ZNF843: variants seen among roughly 807,000 people sequenced by gnomAD.
The protein encoded by ZNF843 is zinc finger protein 843.
For synonymous variants in ZNF843, 185 were observed against 207.7 expected (o/e 0.89, Z 0.94); for missense variants, 482 against 469.4 (o/e 1.03, Z -0.25).
rs1259790103 is a variant in ZNF843 at position 31,435,999 on chromosome 16, T to C, written c.851A>G (p.Gln284Arg). 2 of 1,523,776 alleles carry C rather than the reference T, an allele frequency of 1.3e-6. No individual in the cohort carries two copies. The allele number at this position is 1,523,776 out of a possible 1,614,324, so 94.4% of individuals were successfully genotyped here. ...SAGRDSREAV[Q>R]APGYPEPARK... ...GGCTGGCTCAGGGTAGCCTGGGGCC[T>C]GAACCGCCTCCCGCGAGTCCCGTCC... Residue 284 changes from glutamine to arginine, a missense_variant, in exon 2 of 2, where the codon CAG (glutamine) becomes CGG (arginine). Physicochemically the swap from Gln to Arg is conservative, Grantham distance 43. Coordinates refer to ENST00000315678, the MANE Select transcript of ZNF843 (RefSeq NM_001136509.3).
chr16:31,435,769 A>G lies in ZNF843; in HGVS notation c.*34T>C, dbSNP rs2142881628. The G allele has an allele frequency of 7.0e-7, 1 of 1,437,322 alleles. No homozygotes were observed. 89.0% of individuals were successfully genotyped at this position (1,437,322 alleles called of 1,614,324 possible). A position where few individuals can be genotyped will look rare whatever the true frequency, so the allele number is the denominator to read the frequency against. On this transcript the variant is annotated 3_prime_UTR_variant, in exon 2 of 2. Transcript: ENST00000315678. ...GATCCACAGTCCACCGGCGGCTGCA[A>G]CAATTCCACCCAGGGCTGCAGCACG...
chr16:31,438,717 T>C (rs985806744), intron 1 of ZNF843, among the ~76,000 whole-genome samples: 6 of 152,096 alleles, frequency 3.9e-5, no homozygotes, highest in African/African-American at 1.4e-4. Context: ...TCAAATTTAA[T>C]ACCCCTATGC....
rs751991582 is a variant in ZNF843, at chr16:31,436,320, C to T, written c.530G>A (p.Ser177Asn). The change falls in exon 2 of 2, where the codon AGC (serine) becomes AAC (asparagine). Residue 177 changes from serine (S) to asparagine (N), a missense_variant. Coordinates refer to ENST00000315678, the MANE Select transcript of ZNF843 (RefSeq NM_001136509.3). Reference sequence around the variant, plus strand: ...GGGTGCGAGGCTGACGCTCTCCACGCTCCCACCCCTGCAGGTCTTCTCCCC... The same window carrying T: ...GGGTGCGAGGCTGACGCTCTCCACGTTCCCACCCCTGCAGGTCTTCTCCCC... ...HPGEKTCRGG[S>N]VESVSLAPSS... 1.3e-6 allele frequency: 2 copies of T among 1,547,028 alleles called. No homozygotes were observed. Among genetic ancestry groups the T allele is most frequent in the African/African-American group, 1.4e-5 (1 of 73,030 alleles).
rs1298858583 is a variant in ZNF843 at position 31,436,367 on chromosome 16, G to A, written c.483C>T (p.Ser161=). ...GDSVNEKTSL[S]QRVLPHPGEK... ...CCCCTGGGTGCGGAAGGACGCGCTGGGAGAGGGAGGTCTTCTCATTGACAC... is the reference window on the plus strand; with the variant it reads ...CCCCTGGGTGCGGAAGGACGCGCTGAGAGAGGGAGGTCTTCTCATTGACAC... Residue 161 remains serine, a synonymous_variant, in exon 2 of 2, where the codon TCC becomes TCT. Transcript: ENST00000315678. 7 of 1,547,682 alleles carry A rather than the reference G, an allele frequency of 4.5e-6. No individual in the cohort carries two copies. In the Admixed American group the frequency reaches 1.4e-4, roughly 30 times the overall value.
In ZNF843 at chr16:31,436,807, C is replaced by T. The variant is rs753163218; in HGVS notation, c.43G>A (p.Ala15Thr). ...PFALTVESVS[A>T]RAPTCCSTGR... ...GTGCTGCAGCAGGTAGGAGCTCTGG[C>T]TGAAACGCTTTCCACAGTCAGGGCA... The change falls in exon 2 of 2, where the codon GCC becomes ACC. Residue 15 changes from alanine (A) to threonine (T), a missense_variant. Transcript: ENST00000315678. 1 of 1,550,386 alleles carries T rather than the reference C, an allele frequency of 6.5e-7. No individual in the cohort carries two copies. Among genetic ancestry groups the T allele is most frequent in the South Asian group, 1.2e-5 (1 of 83,832 alleles).
At chr16:31,437,367 G>C (rs545568906) in intron 1 of ZNF843, among the ~76,000 whole-genome samples, 183 bp from the exon 2 acceptor site, 1 of 126,686 alleles carries the variant, frequency 7.9e-6, no homozygotes, top group African/African-American at 3.0e-5. Flanking sequence ...GCAGTAGTAC[G>C]ATCTCTGATC....
intron 1 of ZNF843, among the ~76,000 whole-genome samples, chr16:31,438,242 T>C (rs908199660): frequency 6.6e-6 from 1 of 152,190 alleles, no homozygotes; most frequent in Non-Finnish European, 1.5e-5. Context: ...AAAGACATTA[T>C]TGCTTTATTG....
rs749261492 is a variant in ZNF843, at chr16:31,436,426, C to G, written c.424G>C (p.Val142Leu). 6.4e-7 allele frequency: 1 copy of G among 1,551,542 alleles called. No homozygotes were observed. The highest frequency in any genetic ancestry group is 8.7e-7 in the Non-Finnish European group (1 of 1,146,952). Residue 142 changes from valine (V) to leucine (L), a missense_variant, in exon 2 of 2, where the codon GTG becomes CTG. Transcript: ENST00000315678. The stretch of plus-strand genomic sequence containing the variant: ...CAGCTGCAGCAGCAGAAGGGACACA[C>G]TCTCCTGTGTGAATTCGCTGGTGGC... The part of the protein sequence containing the change: ...DRPPANSHRR[V>L]CPFCCCSCGD...
At chr16:31,440,347 G>A (rs2082196906) in intron 1 of ZNF843, among the ~76,000 whole-genome samples, 3 of 152,216 alleles carry the variant, frequency 2.0e-5, no homozygotes, top group Admixed American at 1.3e-4. Context: ...TTGCCAACAT[G>A]CATATGCATT....
rs1401398574 is a variant in ZNF843, at chr16:31,436,186, AAAGG to A, written c.660_663del (p.Leu221IlefsTer193). ...TGGAGACTGAGTGGGGGGCCAGGATAAAGGAAGGGAGGTCGGGGCAGGAGTGTGG... is the reference window on the plus strand; with the variant it reads ...TGGAGACTGAGTGGGGGGCCAGGATAAAGGGAGGTCGGGGCAGGAGTGTGG... On this transcript the variant is annotated frameshift_variant, in exon 2 of 2. Transcript: ENST00000315678. LOFTEE classifies it low-confidence loss of function (END_TRUNC). The A allele has an allele frequency of 6.5e-7, 1 of 1,536,784 alleles. No individual in the cohort carries two copies. Among genetic ancestry groups the A allele is most frequent in the East Asian group, 2.5e-5 (1 of 40,738 alleles).
rs987746484 is a variant in ZNF843, at chr16:31,436,563, T to G, written c.287A>C (p.Gln96Pro). ...GCAGCAGAGCTGGCCGCTAAACCCT[T>G]GCCGCACTCCCGCAGACGAATGGCT... ...GRSHSSAGVR[Q>P]GFSGQLCCWL... Residue 96 changes from glutamine to proline, a missense_variant, in exon 2 of 2, where the codon CAA (glutamine) becomes CCA (proline). By Grantham distance (76) the Gln-to-Pro change is moderately conservative. Transcript: ENST00000315678. 1.3e-6 allele frequency: 2 copies of G among 1,550,412 alleles called. No homozygotes were observed. The highest frequency in any genetic ancestry group is 1.7e-6 in the Non-Finnish European group (2 of 1,146,146).
chr16:31,441,433 C>G (rs2082200764), intron 1 of ZNF843, among the ~76,000 whole-genome samples: 1 of 152,170 alleles, frequency 6.6e-6, no homozygotes. Context: ...CACAGCTTAT[C>G]CTTCTACTAC....
Position 31,436,682 on chromosome 16 carries a change from G to T in ZNF843, c.168C>A (p.Ser56Arg). ...ACAGCGACAAGGTCTCTCGCCAGTC[G>T]CTGTGGACCCGCCAGTGCTGGAGGA... is the stretch of plus-strand genomic sequence containing the variant. ...ASLLQHWRVH[S>R]DWRETLSLSP... is the part of the protein sequence containing the mutation. Residue 56 changes from serine (S) to arginine (R), a missense_variant, in exon 2 of 2, where the codon AGC (serine) becomes AGA (arginine). Coordinates refer to ENST00000315678, the MANE Select transcript of ZNF843 (RefSeq NM_001136509.3). The T allele has an allele frequency of 6.4e-7, 1 of 1,551,248 alleles. No individual in the cohort carries two copies. Among genetic ancestry groups the T allele is most frequent in the South Asian group, 1.2e-5 (1 of 84,058 alleles).
Position 31,436,897 on chromosome 16 carries a change from C to T in ZNF843, c.-48G>A, listed in dbSNP as rs2082184592. 1 of 1,448,468 alleles carries T rather than the reference C, an allele frequency of 6.9e-7. No individual in the cohort carries two copies. Among genetic ancestry groups the T allele is most frequent in the African/African-American group, 1.4e-5 (1 of 70,084 alleles). The allele number at this position is 1,448,468 out of a possible 1,614,324, so 89.7% of individuals were successfully genotyped here. The stretch of plus-strand genomic sequence containing the variant: ...GCTCAGGGAGTAACTGTACGGGAGG[C>T]TTTGCCGCACTTGGCGCAGCTGTGG... On this transcript the variant is annotated 5_prime_UTR_variant, in exon 2 of 2. Transcript: ENST00000315678.
intron 1 of ZNF843, among the ~76,000 whole-genome samples, chr16:31,439,075 C>T (rs997466921): frequency 3.9e-5 from 6 of 151,982 alleles, no homozygotes; most frequent in African/African-American, 1.5e-4. Context: ...GGGTGCAGCA[C>T]ACCAACATGG....
chr16:31,436,309 C>T lies in ZNF843; in HGVS notation c.541G>A (p.Val181Ile), dbSNP rs1363727345. The T allele has an allele frequency of 1.9e-6, 3 of 1,547,480 alleles. No individual in the cohort carries two copies. The highest frequency in any genetic ancestry group is 1.2e-5 in the South Asian group (1 of 83,436). Reference protein sequence around the residue: ...KTCRGGSVESVSLAPSSVAPD... With the variant: ...KTCRGGSVESISLAPSSVAPD... The stretch of plus-strand genomic sequence containing the variant: ...GCGACTGAGCTGGGTGCGAGGCTGA[C>T]GCTCTCCACGCTCCCACCCCTGCAG... The change falls in exon 2 of 2, where the codon GTC (valine) becomes ATC (isoleucine). Residue 181 changes from valine (V) to isoleucine (I), a missense_variant. Transcript: ENST00000315678.
chr16:31,436,003 C>T lies in ZNF843; in HGVS notation c.847G>A (p.Val283Ile). The change falls in exon 2 of 2, where the codon GTT becomes ATT. Residue 283 changes from valine to isoleucine, a missense_variant. Physicochemically the swap from Val to Ile is conservative, Grantham distance 29. Transcript: ENST00000315678. ...ASAGRDSREA[V>I]QAPGYPEPAR... ...GGCTCAGGGTAGCCTGGGGCCTGAA[C>T]CGCCTCCCGCGAGTCCCGTCCCGCG... is the stretch of plus-strand genomic sequence containing the variant. 1.3e-6 allele frequency: 2 copies of T among 1,522,540 alleles called. No individual in the cohort carries two copies. The highest frequency in any genetic ancestry group is 1.8e-6 in the Non-Finnish European group (2 of 1,131,506). 94.3% of individuals were successfully genotyped at this position (1,522,540 alleles called of 1,614,324 possible). A position where few individuals can be genotyped will look rare whatever the true frequency, so the allele number is the denominator to read the frequency against.
chr16:31,439,860 G>A (rs191360419), intron 1 of ZNF843, among the ~76,000 whole-genome samples: 20 of 152,314 alleles, frequency 1.3e-4, no homozygotes, highest in Non-Finnish European at 2.5e-4. Context: ...CACTTAAAGT[G>A]GGTGTGTTTT....
chr16:31,435,750 C>A lies in ZNF843; in HGVS notation c.*53G>T. On this transcript the variant is annotated 3_prime_UTR_variant, in exon 2 of 2. Coordinates refer to ENST00000315678, the MANE Select transcript of ZNF843 (RefSeq NM_001136509.3). The stretch of plus-strand genomic sequence containing the variant: ...GGGAGGGGACTGCATCTCAGATCCA[C>A]AGTCCACCGGCGGCTGCAACAATTC... 2.1e-6 allele frequency: 3 copies of A among 1,428,686 alleles called. No individual in the cohort carries two copies. In the East Asian group the frequency reaches 7.8e-5, roughly 37 times the overall value. The allele number at this position is 1,428,686 out of a possible 1,614,324, so 88.5% of individuals were successfully genotyped here.
Sources: gnomAD v4.1 joint callset for allele counts (sites outside exome capture counted in the v4.1 genomes callset) on GRCh38, gnomAD v4.1.1 for gene constraint, MANE v1.5 for transcripts, NCBI Gene and HGNC (gene_info 2026-07-23, HGNC 2026-07-21) for gene names.